The following NOS1 variants were observed in gnomAD, a reference collection of about 807,000 sequenced individuals.
NOS1 encodes nitric oxide synthase 1, also known as NOS type I.
A neutral mutation model predicts 164.5 loss-of-function variants in NOS1; 51 were observed. The ratio of observed to expected loss-of-function variants is 0.31; its 90% CI spans 0.25 to 0.39. The LOEUF (loss-of-function observed/expected upper bound fraction) is 0.39, where lower values mean the gene tolerates loss of function less well. Among genes scored for constraint, NOS1 ranks in the 10% least tolerant of loss-of-function variants. NOS1 has a pLI of 1.00. For synonymous variants in NOS1, 719 were observed against 745.8 expected (o/e 0.96, Z 0.59); for missense variants, 1,362 against 1,885.6 (o/e 0.72, Z 5.14).
chr12:117,261,274 C>T (rs1470994018), intron 13 of NOS1, among the ~76,000 whole-genome samples: 5 of 151,488 alleles, frequency 3.3e-5, no homozygotes, highest in African/African-American at 9.7e-5. Context: ...CTTGATTGAT[C>T]CCAGGCTTAA....
At chr12:117,264,277 TTCTC>T (rs1872188361) in intron 12 of NOS1, among the ~76,000 whole-genome samples, 1 of 151,966 alleles carries the variant, frequency 6.6e-6, no homozygotes, top group African/African-American at 2.4e-5. Flanking sequence ...TCATCCCTCT[TTCTC>T]TCTCTTAAGA....
At chr12:117,331,955 C>T (rs975001993) in intron 1 of NOS1, among the ~76,000 whole-genome samples, 14 of 152,294 alleles carry the variant, frequency 9.2e-5, no homozygotes, top group Non-Finnish European at 1.3e-4. Context: ...CCCAGTGGAA[C>T]GGGAATGACA....
intron 9 of NOS1, among the ~76,000 whole-genome samples, chr12:117,276,422 A>G (rs1592978767): frequency 6.6e-6 from 1 of 152,328 alleles, no homozygotes; most frequent in East Asian, 1.9e-4. Context: ...AGCTGGGATT[A>G]CAGGCATGTG....
intron 5 of NOS1, among the ~76,000 whole-genome samples, chr12:117,287,594 A>G (rs1252297633): frequency 2.6e-5 from 4 of 152,100 alleles, no homozygotes; most frequent in African/African-American, 9.7e-5. Flanking sequence ...GTGCACCACC[A>G]TGCCCTACTA....
chr12:117,301,105 A>C (rs1369334672), intron 3 of NOS1, among the ~76,000 whole-genome samples: 1 of 152,168 alleles, frequency 6.6e-6, no homozygotes, highest in African/African-American at 2.4e-5. Context: ...TCGGCTGTGA[A>C]CTGCTCCAGG....
chr12:117,298,119 C>T (rs1254249557), intron 3 of NOS1, among the ~76,000 whole-genome samples: 1 of 151,906 alleles, frequency 6.6e-6, no homozygotes, highest in African/African-American at 2.4e-5. Flanking sequence ...TTACACAACT[C>T]ACCAGAATGT....
At chr12:117,270,456 G>A (rs1231055186) in intron 10 of NOS1, among the ~76,000 whole-genome samples, 1 of 151,902 alleles carries the variant, frequency 6.6e-6, no homozygotes, top group African/African-American at 2.4e-5. Context: ...TCTGCTTGGG[G>A]TCTCTATCAG....
intron 16 of NOS1, chr12:117,256,053 G>A (rs747964548): frequency 6.8e-6 from 9 of 1,331,970 alleles, no homozygotes; most frequent in East Asian, 2.8e-5. Flanking sequence ...GGGGAGAATC[G>A]ATGGTGCCCT....
chr12:117,294,747 T>A (rs910130259), intron 3 of NOS1, among the ~76,000 whole-genome samples: 1 of 152,168 alleles, frequency 6.6e-6, no homozygotes, highest in African/African-American at 2.4e-5. Flanking sequence ...TGTGGCTACA[T>A]ACTCCCTTTT....
In NOS1 at chr12:117,234,529, C is replaced by T. The variant is rs1869534706; in HGVS notation, c.3235+36G>A. On this transcript the variant is annotated intron_variant, in intron 21 of 28. Coordinates refer to ENST00000317775, the MANE Select transcript of NOS1 (RefSeq NM_000620.5). The surrounding 1 kb of genome is among the most constrained non-coding windows in gnomAD (Gnocchi z 4.3). Reference sequence around the variant, plus strand: ...CCCGAGACACCCACTGCCTCTGCAGCTCCCTAGAGCAGGGAAGGGTCCCCG... The same window carrying T: ...CCCGAGACACCCACTGCCTCTGCAGTTCCCTAGAGCAGGGAAGGGTCCCCG... The T allele has an allele frequency of 6.3e-7, 1 of 1,581,080 alleles. No homozygotes were observed. Among genetic ancestry groups the T allele is most frequent in the Non-Finnish European group, 8.6e-7 (1 of 1,156,674 alleles).
chr12:117,330,659 G>A lies in NOS1; in HGVS notation c.411C>T (p.His137=). The part of the protein sequence containing the change: ...GPPTKAVDLS[H]QPPAGKEQPL... ...GCTGTTCTTTGCCGGCCGGTGGCTG[G>A]TGGGACAGATCCACGGCTTTGGTGG... is the stretch of plus-strand genomic sequence containing the variant. Residue 137 remains histidine, a synonymous_variant, in exon 2 of 29, where the codon CAC becomes CAT. Transcript: ENST00000317775. This position sits in a 1 kb window ranked among gnomAD's most constrained non-coding sequence, Gnocchi z 4.6. 2 of 1,612,660 alleles carry A rather than the reference G, an allele frequency of 1.2e-6. No homozygotes were observed. The highest frequency in any genetic ancestry group is 1.7e-6 in the Non-Finnish European group (2 of 1,179,116).
At chr12:117,304,168 T>C (rs1318135622) in intron 3 of NOS1, among the ~76,000 whole-genome samples, 3 of 151,082 alleles carry the variant, frequency 2.0e-5, no homozygotes, top group African/African-American at 7.3e-5. Context: ...CGAGACTCCA[T>C]CTCAAAAAAA....
intron 13 of NOS1, among the ~76,000 whole-genome samples, chr12:117,262,994 G>A (rs749863471): frequency 5.3e-4 from 80 of 152,030 alleles, no homozygotes; most frequent in Non-Finnish European, 9.6e-4. Flanking sequence ...CCCAAACTCC[G>A]TGAACCATTA....
chr12:117,210,137 TA>T lies in NOS1; in HGVS notation c.*5171del. ...ACAGGAGCATGCCATCATGCCCAGC[TA>T]ATTTTTTTTTTTTTTTTTTTTTAGT... On this transcript the variant is annotated 3_prime_UTR_variant, in exon 29 of 29. Coordinates refer to ENST00000317775, the MANE Select transcript of NOS1 (RefSeq NM_000620.5). 4.5e-6 allele frequency: 2 copies of T among 444,522 alleles called. No homozygotes were observed. Among genetic ancestry groups the T allele is most frequent in the Non-Finnish European group, 5.6e-6 (2 of 355,628 alleles). 27.5% of individuals were successfully genotyped at this position (444,522 alleles called of 1,614,324 possible).
rs943004104 is a variant in NOS1 at position 117,212,393 on chromosome 12, C to T, written c.*2916G>A. 4 of 985,350 alleles carry T rather than the reference C, an allele frequency of 4.1e-6. No individual in the cohort carries two copies. The highest frequency in any genetic ancestry group is 3.6e-6 in the Non-Finnish European group (3 of 829,916). The allele number at this position is 985,350 out of a possible 1,614,324, so 61.0% of individuals were successfully genotyped here. ...CATATTGATGGGTCTGAAGTGTCCC[C>T]CCGCAAAAGAAAGACACCTGGCTGT... On this transcript the variant is annotated 3_prime_UTR_variant, in exon 29 of 29. Coordinates refer to ENST00000317775, the MANE Select transcript of NOS1 (RefSeq NM_000620.5).
intron 1 of NOS1, among the ~76,000 whole-genome samples, chr12:117,354,469 T>C (rs1876772589): frequency 1.3e-5 from 2 of 151,962 alleles, no homozygotes; most frequent in Middle Eastern, 3.4e-3. Flanking sequence ...CACATGAACA[T>C]AACTGGCTTT....
chr12:117,238,355 C>T (rs915961198), intron 20 of NOS1, among the ~76,000 whole-genome samples: 2 of 152,156 alleles, frequency 1.3e-5, no homozygotes, highest in Non-Finnish European at 2.9e-5. Context: ...GCGCCCTATG[C>T]AAATGGGACG....
At chr12:117,347,182 G>A (rs1250853153) in intron 1 of NOS1, among the ~76,000 whole-genome samples, 1 of 152,042 alleles carries the variant, frequency 6.6e-6, no homozygotes, top group African/African-American at 2.4e-5. Flanking sequence ...AGCTGCTTGG[G>A]AGTCTGAGGC....
chr12:117,238,364 C>T (rs970130738), intron 20 of NOS1, among the ~76,000 whole-genome samples: 3 of 152,092 alleles, frequency 2.0e-5, no homozygotes, highest in Non-Finnish European at 4.4e-5. Flanking sequence ...GCAAATGGGA[C>T]GCCTGGTCCA....
Sources: allele counts gnomAD v4.1 joint callset (sites outside exome capture counted in the v4.1 genomes callset), GRCh38; gene constraint gnomAD v4.1.1; non-coding constraint Gnocchi (gnomAD v3.1); transcripts MANE v1.5; gene names NCBI Gene and HGNC (gene_info 2026-07-23, HGNC 2026-07-21).